Variants in TGFBR2 observed in about 807,000 individuals in gnomAD.
The protein encoded by TGFBR2 is TGF-beta receptor type-2.
In TGFBR2, 18 loss-of-function variants were observed where a neutral mutation model predicts 49.0. The observed-to-expected ratio is 0.37, with a 90% CI of 0.25 to 0.54. The LOEUF is 0.54. TGFBR2 is among the 20% of genes least tolerant of loss of function. The probability of loss-of-function intolerance (pLI) is 0.85; values close to 1 mark genes in which losing one functional copy is unlikely to be tolerated. For synonymous variants in TGFBR2, 282 were observed against 275.9 expected (o/e 1.02, Z -0.22); for missense variants, 525 against 722.6 (o/e 0.73, Z 3.13).
At chr3:30,678,546 TAA>T (rs1553630848) in intron 5 of TGFBR2, among the ~76,000 whole-genome samples, 6 of 100,844 alleles carry the variant, frequency 5.9e-5, no homozygotes, top group African/African-American at 8.7e-5. Context: ...AGACTGCGTC[TAA>T]AAAAAAAAAA....
intron 3 of TGFBR2, among the ~76,000 whole-genome samples, chr3:30,666,765 G>A (rs891591): frequency 2.6e-5 from 4 of 150,966 alleles, no homozygotes; most frequent in Admixed American, 2.0e-4. Context: ...CTCAGCCACC[G>A]TAATAGCTGG....
In TGFBR2 at chr3:30,671,568, G is replaced by A. The variant is rs894027867; in HGVS notation, c.455-70G>A. The A allele has an allele frequency of 1.3e-5, 19 of 1,500,476 alleles. No individual in the cohort carries two copies. In the Middle Eastern group the frequency reaches 1.0e-3, roughly 83 times the overall value. The allele number at this position is 1,500,476 out of a possible 1,614,324, so 92.9% of individuals were successfully genotyped here. The stretch of plus-strand genomic sequence containing the variant: ...CTAAAATCTATAGATGCTCAGGCAT[G>A]AACCCACTTCCTGACAGTACTTACC... On this transcript the variant is annotated intron_variant, in intron 3 of 6. Transcript: ENST00000295754.
chr3:30,608,700 G>T (rs545698343), intron 1 of TGFBR2, among the ~76,000 whole-genome samples: 2 of 152,114 alleles, frequency 1.3e-5, no homozygotes, highest in Non-Finnish European at 2.9e-5. Flanking sequence ...TTAGGAAGAG[G>T]CACTATTGCA....
rs897886100 is a variant in TGFBR2, at chr3:30,672,089, G to A, written c.906G>A (p.Glu302=). ...TCTCAGACATCAATCTGAAGCATGAGAACATACTCCAGTTCCTGACGGCTG... is the reference window on the plus strand; with the variant it reads ...TCTCAGACATCAATCTGAAGCATGAAAACATACTCCAGTTCCTGACGGCTG... ...DIFSDINLKH[E]NILQFLTAEE... The change falls in exon 4 of 7, where the codon GAG becomes GAA. Residue 302 remains glutamate (E), a synonymous_variant. Transcript: ENST00000295754. The surrounding 1 kb of genome is among the most constrained non-coding windows in gnomAD (Gnocchi z 4.5). The A allele has an allele frequency of 1.2e-6, 2 of 1,614,210 alleles. No individual in the cohort carries two copies. Among genetic ancestry groups the A allele is most frequent in the South Asian group, 1.1e-5 (1 of 91,088 alleles).
At chr3:30,652,874 A>G (rs1338651775) in intron 3 of TGFBR2, among the ~76,000 whole-genome samples, 1 of 152,168 alleles carries the variant, frequency 6.6e-6, no homozygotes, top group Non-Finnish European at 1.5e-5. Flanking sequence ...TGCATTTTAT[A>G]TTTTACTATG....
intron 3 of TGFBR2, among the ~76,000 whole-genome samples, chr3:30,652,200 A>G (rs1698903209): frequency 6.9e-6 from 1 of 144,072 alleles, no homozygotes; most frequent in South Asian, 2.2e-4. Flanking sequence ...CATCCTGTAA[A>G]TGGTCCATTT....
chr3:30,658,827 A>T (rs1245887399), intron 3 of TGFBR2, among the ~76,000 whole-genome samples: 1 of 152,200 alleles, frequency 6.6e-6, no homozygotes, highest in Non-Finnish European at 1.5e-5. Flanking sequence ...TGCTAGCAGA[A>T]CATCTCAGCC....
chr3:30,626,454 G>A (rs1698334039), intron 1 of TGFBR2: 1 of 152,396 alleles, frequency 6.6e-6, no homozygotes, highest in African/African-American at 2.4e-5. Flanking sequence ...GAAAACACTT[G>A]ACCTGGGTCT....
At chr3:30,613,051 A>G (rs1445546131) in intron 1 of TGFBR2, among the ~76,000 whole-genome samples, 1 of 151,088 alleles carries the variant, frequency 6.6e-6, no homozygotes, top group Non-Finnish European at 1.5e-5. Context: ...TGAAGCTATC[A>G]TTATTAGATG....
At chr3:30,664,750 A>G (rs1325572158) in intron 3 of TGFBR2, among the ~76,000 whole-genome samples, 1 of 152,268 alleles carries the variant, frequency 6.6e-6, no homozygotes, top group Non-Finnish European at 1.5e-5. Flanking sequence ...CCTAAAAGGA[A>G]CTTAAAACTG....
chr3:30,620,730 A>AT (rs1463715273), intron 1 of TGFBR2, among the ~76,000 whole-genome samples: 2 of 152,034 alleles, frequency 1.3e-5, no homozygotes, highest in African/African-American at 4.8e-5. Flanking sequence ...ACGCAGGACA[A>AT]TTTTTTGTCA....
At chr3:30,654,486 C>A (rs1283500717) in intron 3 of TGFBR2, among the ~76,000 whole-genome samples, 3 of 152,206 alleles carry the variant, frequency 2.0e-5, no homozygotes, top group African/African-American at 7.2e-5. Context: ...GGGCTGGGGT[C>A]TGCACTGCAC....
At chr3:30,606,519 T>A, upstream of TGFBR2, 1 of 260,296 alleles carries the variant, frequency 3.8e-6, no homozygotes, top group Non-Finnish European at 7.4e-6. Context: ...GAGAAGGCTC[T>A]CGGGCGGAGA....
At chr3:30,691,260 G>T (rs1201028168) in intron 6 of TGFBR2, among the ~76,000 whole-genome samples, 160 bp from the exon 7 acceptor site, 1 of 152,190 alleles carries the variant, frequency 6.6e-6, no homozygotes, top group Non-Finnish European at 1.5e-5. Context: ...ACATGGAACT[G>T]GCTGGCCTGC....
At chr3:30,666,641 T>TCCCCCCCCCC (rs1699249624) in intron 3 of TGFBR2, among the ~76,000 whole-genome samples, 6 of 103,018 alleles carry the variant, frequency 5.8e-5, no homozygotes, top group African/African-American at 1.2e-4. Flanking sequence ...TACCCCCCCA[T>TCCCCCCCCCC]CCCCGCCCGC....
chr3:30,609,485 G>A (rs1033117534), intron 1 of TGFBR2, among the ~76,000 whole-genome samples: 4 of 152,114 alleles, frequency 2.6e-5, no homozygotes, highest in Non-Finnish European at 5.9e-5. Context: ...TTAGTAGTAT[G>A]CAAAGGATTT....
chr3:30,674,505 T>G (rs1377858148), intron 5 of TGFBR2, among the ~76,000 whole-genome samples: 1 of 152,232 alleles, frequency 6.6e-6, no homozygotes, highest in Non-Finnish European at 1.5e-5. Flanking sequence ...GACACATCTC[T>G]TCACAGTTAT....
intron 6 of TGFBR2, among the ~76,000 whole-genome samples, chr3:30,689,047 G>T (rs770746259): frequency 2.0e-5 from 3 of 152,144 alleles, no homozygotes; most frequent in Non-Finnish European, 1.5e-5. Context: ...AGAGGAGACC[G>T]ACTCCTCACT....
intron 2 of TGFBR2, among the ~76,000 whole-genome samples, chr3:30,648,334 C>A (rs1009343628): frequency 2.6e-5 from 4 of 151,782 alleles, no homozygotes; most frequent in African/African-American, 9.7e-5. Flanking sequence ...CTTCTTAGGC[C>A]TCTATAAGCG....
Sources: gnomAD v4.1 joint callset for allele counts (sites outside exome capture counted in the v4.1 genomes callset) on GRCh38, gnomAD v4.1.1 for gene constraint, Gnocchi (gnomAD v3.1) non-coding constraint, MANE v1.5 for transcripts, NCBI Gene and HGNC (gene_info 2026-07-23, HGNC 2026-07-21) for gene names.